The following ZMYM6 variants were observed in gnomAD, a reference collection of about 807,000 sequenced individuals.
ZMYM6 encodes the protein zinc finger MYM-type protein 6.
ZMYM6 carries 90 observed loss-of-function variants against 134.0 expected under a neutral mutation model. The ratio of observed to expected loss-of-function variants is 0.67; its 90% CI spans 0.57 to 0.80. The LOEUF is 0.80. Ranked by LOEUF, ZMYM6 falls within the 30% of genes least tolerant of loss-of-function variation. The pLI is 0.00. For missense variants in ZMYM6, 1,362 were observed against 1,533.9 expected, an observed-to-expected ratio of 0.89 and a Z score of 1.87; for synonymous variants, 481 against 524.1, an observed-to-expected ratio of 0.92 and a Z score of 1.12.
At chr1:35,016,293 A>C (rs1256014372) in intron 4 of ZMYM6, among the ~76,000 whole-genome samples, 1 of 152,202 alleles carries the variant, frequency 6.6e-6, no homozygotes, top group African/African-American at 2.4e-5. Context: ...CAAGATTTTG[A>C]GAAACAAATG....
chr1:34,998,297 T>C (rs1640821354), intron 14 of ZMYM6, among the ~76,000 whole-genome samples: 1 of 152,122 alleles, frequency 6.6e-6, no homozygotes, highest in South Asian at 2.1e-4. Flanking sequence ...TTTGGACCTA[T>C]TTCTGGATTT....
At chr1:35,000,537 C>T (rs1028828868) in intron 14 of ZMYM6, among the ~76,000 whole-genome samples, 2 of 152,114 alleles carry the variant, frequency 1.3e-5, no homozygotes, top group Non-Finnish European at 2.9e-5. Context: ...CCGCGCCTAA[C>T]TGCAAAGATT....
At chr1:35,004,251 T>A (rs1381074073) in intron 13 of ZMYM6, among the ~76,000 whole-genome samples, 1 of 152,166 alleles carries the variant, frequency 6.6e-6, no homozygotes, top group Non-Finnish European at 1.5e-5. Flanking sequence ...ATTAAAATCA[T>A]GTGGGCTCCT....
intron 15 of ZMYM6, among the ~76,000 whole-genome samples, chr1:34,991,032 T>C (rs1244251177): frequency 1.3e-5 from 2 of 152,158 alleles, no homozygotes; most frequent in Non-Finnish European, 2.9e-5. Flanking sequence ...GCCCAGCTAA[T>C]TTTGTATTTT....
chr1:35,010,437 T>G lies in ZMYM6; in HGVS notation c.1492+10A>C. On this transcript the variant is annotated intron_variant, in intron 10 of 15. Coordinates refer to ENST00000357182, the MANE Select transcript of ZMYM6 (RefSeq NM_007167.4). ...CCCATGCTCTGTGAATAAAACAACT[T>G]TGTCTTTACCTTCACTACAGAATGG... 1 of 1,600,548 alleles carries G rather than the reference T, an allele frequency of 6.2e-7. No homozygotes were observed. The highest frequency in any genetic ancestry group is 8.5e-7 in the Non-Finnish European group (1 of 1,176,620).
intron 7 of ZMYM6, 32 bp downstream of exon 7, chr1:35,012,399 A>G (rs1641103236): frequency 1.4e-6 from 2 of 1,426,958 alleles, no homozygotes; most frequent in African/African-American, 3.0e-5. Context: ...AATAGTTATT[A>G]AATCTATAAA....
intron 2 of ZMYM6, among the ~76,000 whole-genome samples, chr1:35,026,278 C>G (rs1641414095): frequency 6.6e-6 from 1 of 152,182 alleles, no homozygotes; most frequent in Non-Finnish European, 1.5e-5. Flanking sequence ...ACCTCAGCCT[C>G]CCAAACTGCT....
At chr1:34,989,049 G>C (rs1640621227) in intron 15 of ZMYM6, 114 bp from the exon 16 acceptor site, 1 of 1,489,578 alleles carries the variant, frequency 6.7e-7, no homozygotes, top group South Asian at 1.4e-5. Context: ...TTTATCAAAA[G>C]AATGCACTGG....
chr1:35,017,464 A>G (rs1193531059), intron 4 of ZMYM6: 1 of 152,196 alleles, frequency 6.6e-6, no homozygotes, highest in Admixed American at 6.6e-5. Flanking sequence ...AAATATGTAA[A>G]TCAAAGAGAA....
rs10158256 is a variant in ZMYM6, at chr1:35,003,981, T to C, written c.1979A>G (p.Lys660Arg). 977 of 1,612,402 alleles carry C rather than the reference T, an allele frequency of 6.1e-4. 7 individuals carry two copies. The African/African-American group carries it at 0.011, about 19-fold the overall frequency. ...AATTAAACTCACATCTTGAATGATC[T>C]TTGCTGCCTCTTTAGTAACTGCACC... is the stretch of plus-strand genomic sequence containing the variant. Reference protein sequence around the residue: ...LKGAVTKEAAKIIQDESTQED... With the variant: ...LKGAVTKEAARIIQDESTQED... The change falls in exon 14 of 16, where the codon AAG (lysine) becomes AGG (arginine). Residue 660 changes from lysine to arginine, a missense_variant. This residue lies in a region of ZMYM6 where 824 missense variants were observed against 940.9 expected (regional missense o/e 0.88). Transcript: ENST00000357182.
At chr1:35,016,104 C>G (rs555227948) in intron 4 of ZMYM6, among the ~76,000 whole-genome samples, 1 of 152,024 alleles carries the variant, frequency 6.6e-6, no homozygotes, top group South Asian at 2.1e-4. Flanking sequence ...GCACGTGCCA[C>G]CATGCCAGGC....
At chr1:35,009,090 C>A (rs1301212344) in intron 10 of ZMYM6, among the ~76,000 whole-genome samples, 166 bp from the exon 11 acceptor site, 1 of 152,062 alleles carries the variant, frequency 6.6e-6, no homozygotes, top group Non-Finnish European at 1.5e-5. Context: ...CAAACTCATA[C>A]CACCTTTTAT....
chr1:34,999,251 A>T (rs978426374), intron 14 of ZMYM6, among the ~76,000 whole-genome samples: 39 of 152,186 alleles, frequency 2.6e-4, no homozygotes, highest in African/African-American at 9.4e-4. Flanking sequence ...AATACAGTAA[A>T]TTGACTACCA....
intron 6 of ZMYM6, 54 bp downstream of exon 6, chr1:35,014,643 C>A: frequency 6.5e-7 from 1 of 1,549,648 alleles, no homozygotes; most frequent in Non-Finnish European, 8.8e-7. Context: ...CATCCCTGTG[C>A]AGCCAAATCA....
At chr1:35,004,519 G>A (rs1239321500) in intron 13 of ZMYM6, among the ~76,000 whole-genome samples, 2 of 151,992 alleles carry the variant, frequency 1.3e-5, no homozygotes, top group Admixed American at 1.3e-4. Context: ...TGAGACAGAA[G>A]AATCGCTTGA....
chr1:34,998,729 G>A (rs1640830514), intron 14 of ZMYM6, among the ~76,000 whole-genome samples: 2 of 152,116 alleles, frequency 1.3e-5, no homozygotes, highest in Non-Finnish European at 1.5e-5. Context: ...ATGTCAAGTC[G>A]GCAGCTGGAT....
intron 3 of ZMYM6, 134 bp downstream of exon 3, chr1:35,020,249 C>T (rs895347522): frequency 9.0e-6 from 6 of 665,250 alleles, no homozygotes; most frequent in Non-Finnish European, 1.4e-5. Flanking sequence ...CTGCTGAAAA[C>T]CAGCTACTCA....
In ZMYM6 at chr1:35,019,688, T is replaced by C. The variant is rs1381037984; in HGVS notation, c.179-86A>G. On this transcript the variant is annotated intron_variant, in intron 3 of 15. Transcript: ENST00000357182. The stretch of plus-strand genomic sequence containing the variant: ...TCTCTCTCTCTCTCTCTTTTTTCTT[T>C]TTCTGAGACACGGTCTCACTGTCAC... The C allele has an allele frequency of 3.5e-6, 5 of 1,433,552 alleles. No homozygotes were observed. The African/African-American group carries it at 5.8e-5, about 17-fold the overall frequency. The allele number at this position is 1,433,552 out of a possible 1,614,324, so 88.8% of individuals were successfully genotyped here.
Position 35,026,035 on chromosome 1 carries a change from T to C in ZMYM6, c.93+4512A>G, listed in dbSNP as rs556661839. On this transcript the variant is annotated intron_variant, in intron 2 of 15. Transcript: ENST00000357182. The stretch of plus-strand genomic sequence containing the variant: ...ATAAGGACTAAACTGCAACTTTTTT[T>C]TTTTAGATGGAGTCTCCCTTTGTCG... 1.1e-4 allele frequency among the ~76,000 whole-genome samples: 16 copies of C among 152,326 alleles called. No homozygotes were observed. The South Asian group carries it at 3.1e-3, about 30-fold the overall frequency.
Sources: gnomAD v4.1 joint callset for allele counts (sites outside exome capture counted in the v4.1 genomes callset) on GRCh38, gnomAD v4.1.1 for gene constraint, gnomAD v4.1.1 regional missense constraint, MANE v1.5 for transcripts, NCBI Gene and HGNC (gene_info 2026-07-23, HGNC 2026-07-21) for gene names.